DLGAP1: variants seen among roughly 807,000 people sequenced by gnomAD.
DLGAP1 encodes DLG associated protein 1.
Under a neutral mutation model 90.8 loss-of-function variants are expected in DLGAP1, and 11 were observed. The observed-to-expected ratio is 0.12, with a 90% CI of 0.08 to 0.20. The LOEUF (loss-of-function observed/expected upper bound fraction) is 0.20. DLGAP1 is among the 10% of genes least tolerant of loss of function. The pLI is 1.00. For synonymous variants in DLGAP1, 558 were observed against 540.7 expected, an observed-to-expected ratio of 1.03 and a Z score of -0.44; for missense variants, 1,050 against 1,333.8, an observed-to-expected ratio of 0.79 and a Z score of 3.31.
chr18:3,569,174 G>A (rs568599343), intron 8 of DLGAP1, among the ~76,000 whole-genome samples: 2 of 150,624 alleles, frequency 1.3e-5, no homozygotes, highest in Admixed American at 1.3e-4. Flanking sequence ...GCTAATTTTT[G>A]TATTTTTAGT....
intron 1 of DLGAP1, among the ~76,000 whole-genome samples, chr18:4,329,614 C>A (rs538302695): frequency 3.2e-4 from 49 of 152,006 alleles, no homozygotes; most frequent in Middle Eastern, 3.4e-3. Flanking sequence ...ACGGTTGAGT[C>A]ATCTAATCTG....
intron 4 of DLGAP1, chr18:3,845,115 A>T: frequency 7.6e-7 from 1 of 1,307,198 alleles, no homozygotes; most frequent in Non-Finnish European, 1.1e-6. Flanking sequence ...CACAGACATC[A>T]TGAAACATGA....
chr18:4,021,261 G>A (rs1167553532), intron 2 of DLGAP1, among the ~76,000 whole-genome samples: 1 of 152,182 alleles, frequency 6.6e-6, no homozygotes, highest in Non-Finnish European at 1.5e-5. Context: ...AATCCATGGA[G>A]CAGTTACACC....
Position 3,517,351 on chromosome 18 carries a change from A to G in DLGAP1, c.2480-8690T>C, listed in dbSNP as rs564367933. 5.3e-5 allele frequency among the ~76,000 whole-genome samples: 8 copies of G among 152,318 alleles called. No homozygotes were observed. The highest frequency in any genetic ancestry group is 8.8e-5 in the Non-Finnish European group (6 of 68,026). ...TTGTTTAGTGTAATCATCTTCATCA[A>G]TGATCTTAGCTAGATCTTCTGGATA... On this transcript the variant is annotated intron_variant, in intron 10 of 12. Transcript: ENST00000315677. This position sits in a 1 kb window ranked among gnomAD's most constrained non-coding sequence, Gnocchi z 4.1.
intron 2 of DLGAP1, among the ~76,000 whole-genome samples, chr18:4,137,942 G>A (rs1390823036): frequency 2.0e-5 from 3 of 151,970 alleles, no homozygotes; most frequent in Non-Finnish European, 4.4e-5. Context: ...GAAATGCTAC[G>A]GATTTTTTAT....
chr18:3,956,784 G>A (rs1360737483), intron 3 of DLGAP1, among the ~76,000 whole-genome samples: 1 of 152,104 alleles, frequency 6.6e-6, no homozygotes, highest in Non-Finnish European at 1.5e-5. Flanking sequence ...CTGAATAGCT[G>A]GGACTATAGG....
intron 2 of DLGAP1, among the ~76,000 whole-genome samples, chr18:4,026,410 G>C (rs1033099615): frequency 2.0e-5 from 3 of 152,148 alleles, no homozygotes; most frequent in Non-Finnish European, 4.4e-5. Context: ...TTCTGCTCCA[G>C]TTTAGAAGGG....
intron 3 of DLGAP1, among the ~76,000 whole-genome samples, chr18:3,974,144 G>A (rs556201003): frequency 4.4e-4 from 66 of 151,628 alleles, no homozygotes; most frequent in African/African-American, 1.6e-3. Flanking sequence ...GCGCAATCTC[G>A]GCTCACTGCA....
intron 4 of DLGAP1, among the ~76,000 whole-genome samples, chr18:3,832,908 G>T (rs112958718): frequency 1.3e-5 from 2 of 152,080 alleles, no homozygotes; most frequent in African/African-American, 4.8e-5. Context: ...TTTCTCCTTT[G>T]TACACCCACT....
chr18:3,760,699 T>A (rs1403734621), intron 5 of DLGAP1, among the ~76,000 whole-genome samples: 1 of 152,176 alleles, frequency 6.6e-6, no homozygotes, highest in Non-Finnish European at 1.5e-5. Context: ...GGGCTGCCAG[T>A]TTTATAAAAA....
At chr18:4,177,900 G>A in intron 1 of DLGAP1, among the ~76,000 whole-genome samples, 1 of 151,942 alleles carries the variant, frequency 6.6e-6, no homozygotes, top group East Asian at 1.9e-4. Flanking sequence ...CCATGTCTTT[G>A]CTATTGTGAA....
At chr18:3,507,317 C>G (rs2050284885) in intron 11 of DLGAP1, among the ~76,000 whole-genome samples, 1 of 100,102 alleles carries the variant, frequency 1.0e-5, no homozygotes, top group African/African-American at 3.2e-5. Context: ...AAACCCGTCT[C>G]TACTAAAACA....
chr18:3,872,852 T>C (rs1364722714), intron 4 of DLGAP1, among the ~76,000 whole-genome samples: 1 of 152,180 alleles, frequency 6.6e-6, no homozygotes, highest in Non-Finnish European at 1.5e-5. Context: ...CGAAATCTAC[T>C]GGCCACTGAG....
chr18:4,231,628 T>A (rs1032346926), intron 1 of DLGAP1, among the ~76,000 whole-genome samples: 4 of 152,168 alleles, frequency 2.6e-5, no homozygotes, highest in African/African-American at 9.6e-5. Context: ...ATTTTTTTTT[T>A]AATAACTCAT....
chr18:3,959,462 T>C (rs1012720748), intron 3 of DLGAP1, among the ~76,000 whole-genome samples: 1 of 151,580 alleles, frequency 6.6e-6, no homozygotes, highest in Admixed American at 6.6e-5. Context: ...AGGTCAGGAG[T>C]CCGAGACCAG....
At chr18:4,016,854 G>C (rs144504846) in intron 2 of DLGAP1, among the ~76,000 whole-genome samples, 5 of 152,210 alleles carry the variant, frequency 3.3e-5, no homozygotes, top group Non-Finnish European at 7.4e-5. Context: ...CAACCTCTCA[G>C]TCTCAGTTTT....
intron 1 of DLGAP1, among the ~76,000 whole-genome samples, chr18:4,442,085 G>A (rs2083549373): frequency 6.6e-6 from 1 of 152,130 alleles, no homozygotes; most frequent in South Asian, 2.1e-4. Flanking sequence ...TCCATCTCCT[G>A]GGTTCAAGCA....
Position 3,570,928 on chromosome 18 carries a change from C to CAAA in DLGAP1, c.1966-3350_1966-3348dup, listed in dbSNP as rs71366686. 5.2e-3 allele frequency among the ~76,000 whole-genome samples: 584 copies of CAAA among 112,950 alleles called. 4 individuals carry two copies. The highest frequency in any genetic ancestry group is 0.016 in the African/African-American group (475 of 30,226). 74.1% of individuals were successfully genotyped at this position (112,950 alleles called of 152,430 possible). A position where few individuals can be genotyped will look rare whatever the true frequency, so the allele number is the denominator to read the frequency against. ...TGAGTGACAGAGCAAGACAGTGTCT[C>CAAA]AAAAAAAAAAAAAAAGGTAATTTAA... On this transcript the variant is annotated intron_variant, in intron 8 of 12. Coordinates refer to ENST00000315677, the MANE Select transcript of DLGAP1 (RefSeq NM_004746.4).
intron 7 of DLGAP1, among the ~76,000 whole-genome samples, chr18:3,600,874 A>AT (rs2056928340): frequency 2.6e-5 from 1 of 38,858 alleles, no homozygotes; most frequent in Non-Finnish European, 4.7e-5. Context: ...AGATATATAG[A>AT]TATATAGATA....
Sources: gnomAD v4.1 joint callset for allele counts (sites outside exome capture counted in the v4.1 genomes callset) on GRCh38, gnomAD v4.1.1 for gene constraint, Gnocchi (gnomAD v3.1) non-coding constraint, MANE v1.5 for transcripts, NCBI Gene and HGNC (gene_info 2026-07-23, HGNC 2026-07-21) for gene names.